The following SLC22A23 variants were observed in gnomAD, a reference collection of about 807,000 sequenced individuals.
SLC22A23 encodes the protein ion transporter protein.
A neutral mutation model predicts 61.0 loss-of-function variants in SLC22A23; 26 were observed. The observed-to-expected ratio is 0.43, with a 90% CI of 0.31 to 0.59. The LOEUF is 0.59. Among genes scored for constraint, SLC22A23 ranks in the 20% least tolerant of loss-of-function variants. SLC22A23 has a pLI of 0.11. For synonymous variants in SLC22A23, 430 were observed against 413.9 expected (o/e 1.04, Z -0.47); for missense variants, 796 against 934.7 (o/e 0.85, Z 1.94).
At chr6:3,397,676 T>A (rs1768100532) in intron 3 of SLC22A23, among the ~76,000 whole-genome samples, 1 of 152,218 alleles carries the variant, frequency 6.6e-6, no homozygotes, top group African/African-American at 2.4e-5. Flanking sequence ...CAAGGCACTA[T>A]CATGATAGCC....
chr6:3,424,049 G>A (rs750856555), intron 1 of SLC22A23, among the ~76,000 whole-genome samples: 2 of 152,146 alleles, frequency 1.3e-5, no homozygotes, highest in Non-Finnish European at 2.9e-5. Context: ...ACAGGACCCT[G>A]TTACATTCCC....
intron 3 of SLC22A23, among the ~76,000 whole-genome samples, chr6:3,341,518 A>G (rs1194044889): frequency 1.3e-5 from 2 of 152,168 alleles, no homozygotes; most frequent in Admixed American, 1.3e-4. Context: ...CCAGAAAAAA[A>G]TCACAGTATT....
chr6:3,443,881 C>T (rs1346506571), intron 1 of SLC22A23, among the ~76,000 whole-genome samples: 3 of 152,092 alleles, frequency 2.0e-5, no homozygotes, highest in African/African-American at 4.8e-5. Context: ...AAGTGGGAAC[C>T]GAGCTCACTT....
At chr6:3,380,028 T>A (rs577506883) in intron 3 of SLC22A23, among the ~76,000 whole-genome samples, 2 of 152,144 alleles carry the variant, frequency 1.3e-5, no homozygotes, top group East Asian at 3.9e-4. Context: ...AGAGAGGAAA[T>A]GTGAGAACAT....
chr6:3,430,538 T>C (rs1228964373), intron 1 of SLC22A23, among the ~76,000 whole-genome samples: 2 of 29,994 alleles, frequency 6.7e-5, no homozygotes, highest in African/African-American at 1.2e-4. Flanking sequence ...TCCATGACTA[T>C]TTATTGGTCA....
chr6:3,290,068 A>G, intron 5 of SLC22A23: 1 of 596,380 alleles, frequency 1.7e-6, no homozygotes, highest in South Asian at 1.9e-5. Context: ...TTTGCAGTTC[A>G]GGTTTCGCTC....
intron 6 of SLC22A23, 24 bp from the exon 7 acceptor site, chr6:3,287,115 G>A (rs895278319): frequency 7.5e-6 from 12 of 1,609,242 alleles, no homozygotes; most frequent in Non-Finnish European, 1.0e-5. Flanking sequence ...CCGAGCGGCA[G>A]TGGGTGGGCT....
chr6:3,386,161 C>T lies in SLC22A23; in HGVS notation c.913+24027G>A, dbSNP rs765842413. The stretch of plus-strand genomic sequence containing the variant: ...CCCTCCCGGGTGTCTCATTACCTGA[C>T]GAGGTGGATTTATTAATGATCTGGG... On this transcript the variant is annotated intron_variant, in intron 3 of 9. Transcript: ENST00000406686. The surrounding 1 kb of genome is among the most constrained non-coding windows in gnomAD (Gnocchi z 4.4). Among the ~76,000 whole-genome samples the T allele has an allele frequency of 7.2e-5, 11 of 152,092 alleles. No individual in the cohort carries two copies. Among genetic ancestry groups the T allele is most frequent in the African/African-American group, 1.9e-4 (8 of 41,400 alleles).
At chr6:3,332,661 T>G (rs186745098) in intron 3 of SLC22A23, among the ~76,000 whole-genome samples, 1 of 152,292 alleles carries the variant, frequency 6.6e-6, no homozygotes, top group East Asian at 1.9e-4. Flanking sequence ...AATATGTCTC[T>G]CCTAAAAAAG....
At chr6:3,400,177 C>T (rs1205220819) in intron 3 of SLC22A23, among the ~76,000 whole-genome samples, 1 of 152,188 alleles carries the variant, frequency 6.6e-6, no homozygotes, top group Non-Finnish European at 1.5e-5. Context: ...CGCGCCCCGC[C>T]CATGATTGCA....
chr6:3,421,351 AC>A (rs1297658084), intron 1 of SLC22A23, among the ~76,000 whole-genome samples: 1 of 152,174 alleles, frequency 6.6e-6, no homozygotes, highest in Non-Finnish European at 1.5e-5. Flanking sequence ...AGAGACACCC[AC>A]AGAGGTCTCT....
intron 3 of SLC22A23, among the ~76,000 whole-genome samples, chr6:3,340,855 T>C (rs1375055487): frequency 6.6e-6 from 1 of 152,170 alleles, no homozygotes; most frequent in African/African-American, 2.4e-5. Flanking sequence ...ACCAGGGCAA[T>C]ATGAGTTTAC....
intron 3 of SLC22A23, among the ~76,000 whole-genome samples, chr6:3,355,835 CCT>C (rs1415614371): frequency 5.3e-5 from 8 of 151,142 alleles, no homozygotes; most frequent in African/African-American, 2.0e-4. Context: ...TCACTCATTC[CCT>C]GTCTCCGCAT....
chr6:3,437,157 T>TA (rs1490572065), intron 1 of SLC22A23, among the ~76,000 whole-genome samples: 1 of 152,054 alleles, frequency 6.6e-6, no homozygotes, highest in Non-Finnish European at 1.5e-5. Flanking sequence ...ACTATAGTTA[T>TA]AAACGATGAA....
intron 3 of SLC22A23, among the ~76,000 whole-genome samples, chr6:3,403,926 A>C (rs1768614086): frequency 6.6e-6 from 1 of 152,240 alleles, no homozygotes; most frequent in South Asian, 2.1e-4. Context: ...GAGAGATCTC[A>C]CAATCTGTCA....
rs928386799 is a variant in SLC22A23 at position 3,287,096 on chromosome 6, G to A, written c.1314-5C>T. 2.6e-5 allele frequency: 42 copies of A among 1,613,648 alleles called. No homozygotes were observed. Among genetic ancestry groups the A allele is most frequent in the Non-Finnish European group, 3.5e-5 (41 of 1,179,852 alleles). On this transcript the variant is annotated splice_polypyrimidine_tract_variant and splice_region_variant and intron_variant, in intron 6 of 9. Transcript: ENST00000406686. ...TGGATCCCGTACCCCGTCAGCCTGT[G>A]GAGACATACCGAGCGGCAGTGGGTG...
chr6:3,330,995 C>T lies in SLC22A23; in HGVS notation c.914-6993G>A, dbSNP rs886429519. 6.6e-6 allele frequency among the ~76,000 whole-genome samples: 1 copy of T among 152,230 alleles called. No individual in the cohort carries two copies. The highest frequency in any genetic ancestry group is 1.5e-5 in the Non-Finnish European group (1 of 68,042). Reference sequence around the variant, plus strand: ...TGCACTACTAGGCGAAGTAACAGCTCTCACTTGCTGAAAGCTAAATGCTTT... The same window carrying T: ...TGCACTACTAGGCGAAGTAACAGCTTTCACTTGCTGAAAGCTAAATGCTTT... On this transcript the variant is annotated intron_variant, in intron 3 of 9. Coordinates refer to ENST00000406686, the MANE Select transcript of SLC22A23 (RefSeq NM_015482.2). This position sits in a 1 kb window ranked among gnomAD's most constrained non-coding sequence, Gnocchi z 4.7.
chr6:3,401,331 C>T (rs1193774300), intron 3 of SLC22A23, among the ~76,000 whole-genome samples: 1 of 151,994 alleles, frequency 6.6e-6, no homozygotes, highest in Non-Finnish European at 1.5e-5. Context: ...GAGTGAGATT[C>T]CATCTCAAAA....
chr6:3,351,652 A>G (rs933533964), intron 3 of SLC22A23, among the ~76,000 whole-genome samples: 2 of 147,994 alleles, frequency 1.4e-5, no homozygotes, highest in African/African-American at 5.0e-5. Flanking sequence ...GCTTTCGCCT[A>G]AGAACACGTC....
Sources: gnomAD v4.1 joint callset for allele counts (sites outside exome capture counted in the v4.1 genomes callset) on GRCh38, gnomAD v4.1.1 for gene constraint, Gnocchi (gnomAD v3.1) non-coding constraint, MANE v1.5 for transcripts, NCBI Gene and HGNC (gene_info 2026-07-23, HGNC 2026-07-21) for gene names.